Variants in TDP1 observed in about 807,000 individuals in gnomAD.
TDP1 encodes the protein tyrosyl-DNA phosphodiesterase 1.
In TDP1, 64 loss-of-function variants were observed where a neutral mutation model predicts 81.5. The ratio of observed to expected loss-of-function variants is 0.79; its 90% CI spans 0.64 to 0.97. The LOEUF is 0.97. Among genes scored for constraint, TDP1 ranks in the 50% least tolerant of loss-of-function variants. TDP1 has a pLI of 0.00. For missense variants in TDP1, 723 were observed against 743.8 expected, an observed-to-expected ratio of 0.97 and a Z score of 0.33; for synonymous variants, 256 against 264.3, an observed-to-expected ratio of 0.97 and a Z score of 0.30.
At chr14:90,023,012 C>A (rs1225296757) in intron 15 of TDP1, 1 of 760,508 alleles carries the variant, frequency 1.3e-6, no homozygotes, top group Admixed American at 1.7e-5. Flanking sequence ...CACACATACC[C>A]TGTGCCTGCT....
chr14:90,031,794 C>T (rs1314500062), intron 15 of TDP1, among the ~76,000 whole-genome samples: 1 of 152,142 alleles, frequency 6.6e-6, no homozygotes, highest in African/African-American at 2.4e-5. Flanking sequence ...TAATTCTTTC[C>T]ACTCCCACCT....
At chr14:89,989,242 A>T in intron 11 of TDP1, 152 bp downstream of exon 11, 1 of 1,431,932 alleles carries the variant, frequency 7.0e-7, no homozygotes, top group Non-Finnish European at 9.3e-7. Flanking sequence ...AAAGAGCAGT[A>T]CATTAGCATC....
chr14:90,035,459 A>G (rs1596719794), intron 16 of TDP1, among the ~76,000 whole-genome samples: 1 of 149,208 alleles, frequency 6.7e-6, no homozygotes, highest in African/African-American at 2.5e-5. Context: ...CTTACCTGCC[A>G]CCAAAAAAAA....
At position 89,956,603 on chromosome 14, in the gene TDP1, A is replaced by G. The variant is rs1891673341; in HGVS notation, c.-205A>G. ...AGTTGGAGCACACAGCTGTATTAAA[A>G]AGGCAAATCGAAGGCCGGGCGCGGT... On this transcript the variant is annotated 5_prime_UTR_variant, in exon 2 of 17. Coordinates refer to ENST00000335725, the MANE Select transcript of TDP1 (RefSeq NM_018319.4). The G allele has an allele frequency of 2.0e-5, 3 of 152,338 alleles. No individual in the cohort carries two copies. The highest frequency in any genetic ancestry group is 7.2e-5 in the African/African-American group (3 of 41,444). The allele number at this position is 152,338 out of a possible 1,614,324, so 9.4% of individuals were successfully genotyped here.
intron 14 of TDP1, among the ~76,000 whole-genome samples, chr14:89,995,948 A>T (rs1452180476): frequency 2.0e-5 from 3 of 152,232 alleles, no homozygotes; most frequent in Non-Finnish European, 4.4e-5. Context: ...GAGGAGCCAG[A>T]CACAGAAATA....
intron 10 of TDP1, among the ~76,000 whole-genome samples, chr14:89,986,439 A>C (rs1314596080): frequency 6.6e-6 from 1 of 152,268 alleles, no homozygotes; most frequent in African/African-American, 2.4e-5. Context: ...GTAAGTCTTC[A>C]GTGCACATAC....
intron 2 of TDP1, among the ~76,000 whole-genome samples, chr14:89,960,625 C>G (rs1892216060): frequency 6.6e-6 from 1 of 152,148 alleles, no homozygotes; most frequent in Non-Finnish European, 1.5e-5. Context: ...TGGCCCCAGC[C>G]CTCTCTACAG....
intron 1 of TDP1, chr14:89,956,211 T>G (rs780580574): frequency 6.6e-6 from 1 of 152,236 alleles, no homozygotes; most frequent in African/African-American, 2.4e-5. Flanking sequence ...TGCGGAGACC[T>G]GTGTCCTGCC....
intron 16 of TDP1, 92 bp from the exon 17 acceptor site, chr14:90,042,978 A>G (rs1171634151): frequency 1.9e-6 from 3 of 1,602,712 alleles, no homozygotes; most frequent in Non-Finnish European, 2.6e-6. Flanking sequence ...CAGTTTAGAG[A>G]GTCAAGCACA....
At chr14:90,041,386 C>G (rs1888339063) in intron 16 of TDP1, among the ~76,000 whole-genome samples, 1 of 152,216 alleles carries the variant, frequency 6.6e-6, no homozygotes, top group African/African-American at 2.4e-5. Context: ...TTCATGCTTT[C>G]AGACCATCCC....
chr14:90,018,563 C>T (rs1374003030), intron 14 of TDP1, among the ~76,000 whole-genome samples: 6 of 152,106 alleles, frequency 3.9e-5, no homozygotes, highest in African/African-American at 1.4e-4. Context: ...CAGGCTCAAG[C>T]GATCCTCCCA....
At chr14:89,996,833 T>TA (rs1050252465) in intron 14 of TDP1, among the ~76,000 whole-genome samples, 11 of 152,320 alleles carry the variant, frequency 7.2e-5, no homozygotes, top group Admixed American at 7.2e-4. Flanking sequence ...TTTACCTACA[T>TA]AGTAGTGTCT....
chr14:90,042,813 A>G, intron 16 of TDP1: 2 of 929,128 alleles, frequency 2.2e-6, no homozygotes, highest in South Asian at 9.9e-5. Context: ...GGGAATTATG[A>G]GAGCTGCAAT....
rs375942904 is a variant in TDP1, at chr14:90,030,931, AT to A, written c.1645-2164del. On this transcript the variant is annotated intron_variant, in intron 15 of 16. Coordinates refer to ENST00000335725, the MANE Select transcript of TDP1 (RefSeq NM_018319.4). ...CAGGCACACACCACCACTCCAGTTA[AT>A]TTTTTTTTTTGTATTTATTTATTAG... Among the ~76,000 whole-genome samples, 542 of 146,108 alleles carry A rather than the reference AT, an allele frequency of 3.7e-3. 5 individuals are homozygous for A. Among genetic ancestry groups the A allele is most frequent in the African/African-American group, 0.013 (505 of 40,010 alleles).
At chr14:90,003,787 T>C (rs1437618329) in intron 14 of TDP1, among the ~76,000 whole-genome samples, 5 of 152,168 alleles carry the variant, frequency 3.3e-5, no homozygotes, top group Non-Finnish European at 5.9e-5. Flanking sequence ...ACGAGACAAG[T>C]GCTTGACTGC....
chr14:89,981,617 G>C (rs1436854261), intron 8 of TDP1: 2 of 373,762 alleles, frequency 5.4e-6, no homozygotes, highest in Non-Finnish European at 1.1e-5. Flanking sequence ...TCATTGCCTA[G>C]CTTGGGCTAG....
intron 14 of TDP1, among the ~76,000 whole-genome samples, chr14:89,996,977 A>AT (rs1896698947): frequency 6.6e-6 from 1 of 152,236 alleles, no homozygotes; most frequent in South Asian, 2.1e-4. Context: ...GAATAGAGTA[A>AT]TTAAGATGAG....
At chr14:89,985,338 T>A in intron 10 of TDP1, 128 bp downstream of exon 10, 1 of 631,820 alleles carries the variant, frequency 1.6e-6, no homozygotes, top group South Asian at 2.2e-5. Context: ...AGATACTTGA[T>A]AAATTGATAA....
chr14:89,985,194 ATTTTAGACTTAAGAAGGTAACAGAAC>A lies in TDP1; in HGVS notation c.1121_1131+15del. ...GGAAGTCAAAAAGATAATTGGGGAC[ATTTTAGACTTAAGAAGGTAACAGAAC>A]TTTTACTATTTTAACATTTTTAAAA... On this transcript the variant is annotated splice_donor_variant and splice_donor_5th_base_variant and coding_sequence_variant and intron_variant, in exon 10 of 17. Coordinates refer to ENST00000335725, the MANE Select transcript of TDP1 (RefSeq NM_018319.4). LOFTEE classifies it high-confidence loss of function. 1 of 1,607,918 alleles carries A rather than the reference ATTTTAGACTTAAGAAGGTAACAGAAC, an allele frequency of 6.2e-7. No individual in the cohort carries two copies. Among genetic ancestry groups the A allele is most frequent in the Non-Finnish European group, 8.5e-7 (1 of 1,176,216 alleles).
Sources: gnomAD v4.1 joint callset for allele counts (sites outside exome capture counted in the v4.1 genomes callset) on GRCh38, gnomAD v4.1.1 for gene constraint, MANE v1.5 for transcripts, NCBI Gene and HGNC (gene_info 2026-07-23, HGNC 2026-07-21) for gene names.